FGGY: variants seen among roughly 807,000 people sequenced by gnomAD.
FGGY encodes FGGY carbohydrate kinase domain containing.
FGGY carries 72 observed loss-of-function variants against 71.3 expected under a neutral mutation model. The observed-to-expected ratio is 1.01, with a 90% CI of 0.84 to 1.23. The LOEUF is 1.23. Among genes scored for constraint, FGGY ranks in the 50% most tolerant of loss-of-function variants. The pLI is 0.00. For synonymous variants in FGGY, 251 were observed against 250.3 expected (o/e 1.00, Z -0.02); for missense variants, 668 against 682.3 (o/e 0.98, Z 0.23).
intron 14 of FGGY, among the ~76,000 whole-genome samples, chr1:59,741,630 A>G (rs1207942): frequency 0.32 from 48,089 of 151,976 alleles, 8,728 homozygotes; most frequent in Middle Eastern, 0.45. Context: ...ATAGTGAGAC[A>G]CTTTCTCTAA....
intron 7 of FGGY, among the ~76,000 whole-genome samples, chr1:59,551,578 G>A (rs951244827): frequency 1.3e-5 from 2 of 152,060 alleles, no homozygotes; most frequent in African/African-American, 2.4e-5. Flanking sequence ...ACAGATAAGT[G>A]AACATTGGTT....
intron 6 of FGGY, among the ~76,000 whole-genome samples, chr1:59,503,618 T>TATATATATATATAAAA (rs1491270217): frequency 7.0e-6 from 1 of 143,754 alleles, no homozygotes; most frequent in African/African-American, 2.6e-5. Flanking sequence ...TATATATATA[T>TATATATATATATAAAA]AAAATATGTA....
chr1:59,673,925 G>A (rs114045481), intron 13 of FGGY, 114 bp from the exon 14 acceptor site: 10,505 of 759,390 alleles, frequency 0.014, 111 homozygotes, highest in Middle Eastern at 0.053. Context: ...GGAGTCGGGC[G>A]GGGGGCCTGC....
At chr1:59,661,693 G>GTTTTGT (rs370165720) in intron 12 of FGGY, among the ~76,000 whole-genome samples, 20,571 of 148,054 alleles carry the variant, frequency 0.14, 1,785 homozygotes, top group South Asian at 0.23. Context: ...TTAAGAGGGT[G>GTTTTGT]TTTTGTTTTT....
At chr1:59,606,471 A>T (rs932625581) in intron 8 of FGGY, among the ~76,000 whole-genome samples, 1 of 152,228 alleles carries the variant, frequency 6.6e-6, no homozygotes, top group Non-Finnish European at 1.5e-5. Flanking sequence ...GCAGTTTATG[A>T]AGCATTAAGG....
At chr1:59,303,234 C>T (rs910662841) in intron 1 of FGGY, among the ~76,000 whole-genome samples, 1 of 152,148 alleles carries the variant, frequency 6.6e-6, no homozygotes, top group African/African-American at 2.4e-5. Context: ...TTTCTAATAA[C>T]TGAAAGTTTG....
At chr1:59,345,972 A>G (rs935865928) in intron 3 of FGGY, among the ~76,000 whole-genome samples, 2 of 152,206 alleles carry the variant, frequency 1.3e-5, no homozygotes, top group Non-Finnish European at 2.9e-5. Flanking sequence ...GAGAGAGAAT[A>G]CTTGATAATA....
chr1:59,348,857 G>A (rs577497944), intron 4 of FGGY, among the ~76,000 whole-genome samples: 115 of 152,272 alleles, frequency 7.6e-4, no homozygotes, highest in African/African-American at 2.7e-3. Context: ...TTAGGAGTCA[G>A]GAGTTTTCAA....
At chr1:59,377,356 T>C (rs2058786388) in intron 4 of FGGY, among the ~76,000 whole-genome samples, 1 of 152,172 alleles carries the variant, frequency 6.6e-6, no homozygotes, top group Non-Finnish European at 1.5e-5. Context: ...TCAGGAAACT[T>C]ACAATCATGG....
chr1:59,363,911 G>A (rs2056089291), intron 4 of FGGY, among the ~76,000 whole-genome samples: 1 of 152,188 alleles, frequency 6.6e-6, no homozygotes, highest in Non-Finnish European at 1.5e-5. Context: ...TTGAGTTGTG[G>A]CCTTTGTCCA....
At chr1:59,725,467 T>C (rs1160254320) in intron 14 of FGGY, among the ~76,000 whole-genome samples, 3 of 152,124 alleles carry the variant, frequency 2.0e-5, no homozygotes, top group African/African-American at 7.2e-5. Flanking sequence ...TCTTTTGCCT[T>C]TCCATATAAA....
intron 2 of FGGY, among the ~76,000 whole-genome samples, chr1:59,329,273 C>T (rs2048000971): frequency 6.6e-6 from 1 of 152,102 alleles, no homozygotes; most frequent in Non-Finnish European, 1.5e-5. Context: ...TTTGTTTGTG[C>T]TGTACCGTAG....
At chr1:59,508,643 C>T (rs2094449826) in intron 6 of FGGY, among the ~76,000 whole-genome samples, 1 of 152,200 alleles carries the variant, frequency 6.6e-6, no homozygotes, top group Non-Finnish European at 1.5e-5. Context: ...TTTCTATCAT[C>T]CTCTCTCATG....
intron 14 of FGGY, among the ~76,000 whole-genome samples, chr1:59,756,956 TAA>T (rs925809502): frequency 1.1e-4 from 16 of 151,336 alleles, no homozygotes; most frequent in Non-Finnish European, 2.1e-4. Flanking sequence ...TTCTCCAGGA[TAA>T]AGAGTATGTC....
At chr1:59,669,990 A>C (rs2097363358) in intron 13 of FGGY, among the ~76,000 whole-genome samples, 1 of 151,126 alleles carries the variant, frequency 6.6e-6, no homozygotes, top group Non-Finnish European at 1.5e-5. Context: ...CTGTTGAATG[A>C]AAAGGCTGTT....
chr1:59,618,853 C>T (rs989326977), intron 9 of FGGY, among the ~76,000 whole-genome samples: 1 of 151,984 alleles, frequency 6.6e-6, no homozygotes, highest in African/African-American at 2.4e-5. Context: ...AGCATTGACA[C>T]GATCTATGTA....
chr1:59,300,225 A>G (rs532468097), intron 1 of FGGY, among the ~76,000 whole-genome samples: 5 of 152,354 alleles, frequency 3.3e-5, no homozygotes, highest in African/African-American at 9.6e-5. Flanking sequence ...ATGACCATCA[A>G]AAGAACATAC....
At chr1:59,614,251 A>G (rs1263333071) in intron 9 of FGGY, among the ~76,000 whole-genome samples, 2 of 152,220 alleles carry the variant, frequency 1.3e-5, no homozygotes, top group Non-Finnish European at 2.9e-5. Context: ...AATCCTCAAT[A>G]AAATATTGGC....
intron 7 of FGGY, 116 bp from the exon 8 acceptor site, chr1:59,554,008 C>T (rs1439544337): frequency 3.8e-6 from 3 of 797,938 alleles, no homozygotes; most frequent in Non-Finnish European, 4.0e-6. Flanking sequence ...ACACAGGACC[C>T]TTCCTCCATG....
Sources: allele counts gnomAD v4.1 joint callset (sites outside exome capture counted in the v4.1 genomes callset), GRCh38; gene constraint gnomAD v4.1.1; transcripts MANE v1.5; gene names NCBI Gene and HGNC (gene_info 2026-07-23, HGNC 2026-07-21).